KCNQ2: variants seen among roughly 807,000 people sequenced by gnomAD.
KCNQ2 encodes potassium voltage-gated channel subfamily KQT member 2.
A neutral mutation model predicts 84.8 loss-of-function variants in KCNQ2; 14 were observed. The ratio of observed to expected loss-of-function variants is 0.17; its 90% CI spans 0.11 to 0.26. The LOEUF is 0.26. KCNQ2 is among the 10% of genes least tolerant of loss of function. The probability of loss-of-function intolerance (pLI) is 1.00; values close to 1 mark genes in which losing one functional copy is unlikely to be tolerated. For synonymous variants in KCNQ2, 599 were observed against 554.1 expected, an observed-to-expected ratio of 1.08 and a Z score of -1.14; for missense variants, 788 against 1,254.0, an observed-to-expected ratio of 0.63 and a Z score of 5.61.
rs751334184 is a variant in KCNQ2, at chr20:63,408,486, G to A, written c.1814C>T (p.Thr605Ile). The A allele has an allele frequency of 1.2e-5, 20 of 1,608,280 alleles. No homozygotes were observed. Among genetic ancestry groups the A allele is most frequent in the Non-Finnish European group, 1.7e-5 (20 of 1,178,340 alleles). The stretch of plus-strand genomic sequence containing the variant: ...CAGCTCCGCCTCGGCCGGGCCCTTG[G>A]TGCGGTCCTTGTCCGTGATCGCTGG... ...RGPAITDKDR[T>I]KGPAEAELPE... Residue 605 changes from threonine to isoleucine, a missense_variant, in exon 16 of 17, where the codon ACC becomes ATC. Thr to Ile is a moderately conservative substitution (Grantham distance 89, BLOSUM62 -1). This residue lies in a region of KCNQ2 where 378 missense variants were observed against 434.5 expected (regional missense o/e 0.87). Coordinates refer to ENST00000359125, the MANE Select transcript of KCNQ2 (RefSeq NM_172107.4). This position sits in a 1 kb window ranked among gnomAD's most constrained non-coding sequence, Gnocchi z 5.0.
intron 1 of KCNQ2, chr20:63,463,788 GAGA>G (rs1294472475): frequency 6.6e-6 from 1 of 152,250 alleles, no homozygotes; most frequent in African/African-American, 2.4e-5. Flanking sequence ...AACAAAACTA[GAGA>G]AGACCTGGAG....
At chr20:63,455,390 G>A (rs1265480918) in intron 1 of KCNQ2, among the ~76,000 whole-genome samples, 3 of 152,242 alleles carry the variant, frequency 2.0e-5, no homozygotes, top group African/African-American at 7.2e-5. Flanking sequence ...GGGGCAGGGG[G>A]ACACCTGGAC....
intron 11 of KCNQ2, chr20:63,423,911 T>TGC: frequency 4.3e-6 from 2 of 463,446 alleles, no homozygotes. Context: ...GGGTGGGGGA[T>TGC]CCCCCACCCC....
chr20:63,464,776 C>A lies in KCNQ2; in HGVS notation c.296+7392G>T, dbSNP rs183163853. On this transcript the variant is annotated intron_variant, in intron 1 of 16. Transcript: ENST00000359125. ...CTTAGAAACAAGTGGCACATTGATC[C>A]GCATTCAAACTTGCCAGCCAATCAA... 1.4e-4 allele frequency among the ~76,000 whole-genome samples: 21 copies of A among 152,306 alleles called. No homozygotes were observed. In the East Asian group the frequency reaches 4.1e-3, roughly 29 times the overall value.
chr20:63,411,992 C>T (rs922507935), intron 15 of KCNQ2: 48 of 645,886 alleles, frequency 7.4e-5, no homozygotes, highest in Middle Eastern at 5.9e-4. Context: ...GAGGCTCCGT[C>T]GAAACAGGTG....
At position 63,408,266 on chromosome 20, in the gene KCNQ2, G is replaced by C; in HGVS notation, c.1887+147C>G. On this transcript the variant is annotated intron_variant, in intron 16 of 16. Coordinates refer to ENST00000359125, the MANE Select transcript of KCNQ2 (RefSeq NM_172107.4). This position sits in a 1 kb window ranked among gnomAD's most constrained non-coding sequence, Gnocchi z 5.0. ...GTGGGGTGTGAGGGGTCTGCACAGA[G>C]CAGCTGTCAGTGGTGACAGGGCCAT... 2 of 1,032,930 alleles carry C rather than the reference G, an allele frequency of 1.9e-6. No individual in the cohort carries two copies. Among genetic ancestry groups the C allele is most frequent in the Admixed American group, 2.0e-5 (1 of 48,892 alleles). The allele number at this position is 1,032,930 out of a possible 1,614,324, so 64.0% of individuals were successfully genotyped here. A position where few individuals can be genotyped will look rare whatever the true frequency, so the allele number is the denominator to read the frequency against.
At position 63,442,517 on chromosome 20, in the gene KCNQ2, G is replaced by C. The variant is rs1291672036; in HGVS notation, c.705C>G (p.Ala235=). 6.2e-7 allele frequency: 1 copy of C among 1,613,354 alleles called. No individual in the cohort carries two copies. Among genetic ancestry groups the C allele is most frequent in the African/African-American group, 1.3e-5 (1 of 74,810 alleles). ...VYAHSKELVT[A]WYIGFLCLIL... is the part of the protein sequence containing the mutation. ...TGAGACAAAGGAAGCCGATGTACCA[G>C]GCAGTGACCAGCTCCTGAGAGGCAG... is the stretch of plus-strand genomic sequence containing the variant. The change falls in exon 5 of 17, where the codon GCC becomes GCG. Residue 235 remains alanine, a synonymous_variant. Coordinates refer to ENST00000359125, the MANE Select transcript of KCNQ2 (RefSeq NM_172107.4).
chr20:63,465,802 C>T (rs1044328771), intron 1 of KCNQ2, among the ~76,000 whole-genome samples: 3 of 152,300 alleles, frequency 2.0e-5, no homozygotes, highest in East Asian at 3.9e-4. Flanking sequence ...CAAGTGTTGT[C>T]GGAAGGCAGA....
Position 63,401,097 on chromosome 20 carries a change from T to G in KCNQ2, c.*5547A>C. 1 of 385,394 alleles carries G rather than the reference T, an allele frequency of 2.6e-6. No individual in the cohort carries two copies. The highest frequency in any genetic ancestry group is 4.6e-6 in the Non-Finnish European group (1 of 218,126). The allele number at this position is 385,394 out of a possible 1,614,324, so 23.9% of individuals were successfully genotyped here. On this transcript the variant is annotated 3_prime_UTR_variant, in exon 17 of 17. Coordinates refer to ENST00000359125, the MANE Select transcript of KCNQ2 (RefSeq NM_172107.4). The stretch of plus-strand genomic sequence containing the variant: ...TGAGGACCTCTCAGGACGGGGCCCC[T>G]GGCCAGAGCCAGTCTCCTCGGCCAG...
chr20:63,453,940 C>T (rs1252950064), intron 1 of KCNQ2, among the ~76,000 whole-genome samples: 1 of 152,114 alleles, frequency 6.6e-6, no homozygotes, highest in Non-Finnish European at 1.5e-5. Flanking sequence ...TCCAGGAAGG[C>T]AGCTCCTCGG....
At chr20:63,472,108 A>G in intron 1 of KCNQ2, 60 bp downstream of exon 1, 1 of 1,276,734 alleles carries the variant, frequency 7.8e-7, no homozygotes, top group Non-Finnish European at 1.1e-6. Context: ...GGGGTCGCCG[A>G]TGGGGTCGCC....
Position 63,415,143 on chromosome 20 carries a change from C to CGAGAGACA in KCNQ2, c.1302-18_1302-17insTGTCTCTC, listed in dbSNP as rs1555854853. The CGAGAGACA allele has an allele frequency of 6.2e-5, 96 of 1,537,828 alleles. No homozygotes were observed. Among genetic ancestry groups the CGAGAGACA allele is most frequent in the Non-Finnish European group, 8.3e-5 (94 of 1,128,214 alleles). On this transcript the variant is annotated splice_polypyrimidine_tract_variant and intron_variant, in intron 12 of 16. Transcript: ENST00000359125. ...ACCTTCTGGCTGCTCCCACGGGAAC[C>CGAGAGACA]GACAGACAGACAGAAAAACAGGGAG...
At chr20:63,412,657 C>T (rs1322335975) in intron 15 of KCNQ2, among the ~76,000 whole-genome samples, 2 of 152,186 alleles carry the variant, frequency 1.3e-5, no homozygotes, top group African/African-American at 4.8e-5. Context: ...GGGCTGTGAC[C>T]CCCAGGCTGT....
Position 63,411,172 on chromosome 20 carries a change from T to C in KCNQ2, c.1763+2278A>G. On this transcript the variant is annotated intron_variant, in intron 15 of 16. Transcript: ENST00000359125. ...GGAGCGCACGCCTGTGCCGGGCACC[T>C]GGCAGGCCTCTTCTCACGCTTCTTC... 4 of 366,282 alleles carry C rather than the reference T, an allele frequency of 1.1e-5. No homozygotes were observed. In the Admixed American group the frequency reaches 1.4e-4, roughly 13 times the overall value. 22.7% of individuals were successfully genotyped at this position (366,282 alleles called of 1,614,324 possible). A position where few individuals can be genotyped will look rare whatever the true frequency, so the allele number is the denominator to read the frequency against.
rs369720210 is a variant in KCNQ2, at chr20:63,417,404, T to C, written c.1301+2215A>G. The stretch of plus-strand genomic sequence containing the variant: ...GGAAGACTCAATTCCTCTCTCTGCG[T>C]TTCCACCCGAGGCAGGTCCAGTCAC... On this transcript the variant is annotated intron_variant, in intron 12 of 16. Coordinates refer to ENST00000359125, the MANE Select transcript of KCNQ2 (RefSeq NM_172107.4). Among the ~76,000 whole-genome samples, 142 of 152,318 alleles carry C rather than the reference T, an allele frequency of 9.3e-4. 2 individuals carry two copies. In the South Asian group the frequency reaches 0.023, roughly 24 times the overall value.
intron 12 of KCNQ2, among the ~76,000 whole-genome samples, chr20:63,417,231 C>T (rs2080324734): frequency 6.6e-6 from 1 of 152,204 alleles, no homozygotes; most frequent in African/African-American, 2.4e-5. Flanking sequence ...CGGGGAGAAC[C>T]GGACGGGGGC....
At chr20:63,413,998 C>G (rs920864929) in intron 14 of KCNQ2, 90 bp downstream of exon 14, 17 of 993,466 alleles carry the variant, frequency 1.7e-5, no homozygotes, top group Non-Finnish European at 2.6e-5. Context: ...GCGGCTCTGT[C>G]CAGCACCATG....
chr20:63,471,882 C>A (rs999404397), intron 1 of KCNQ2: 3 of 394,818 alleles, frequency 7.6e-6, no homozygotes, highest in Non-Finnish European at 9.0e-6. Context: ...GGGGAGGGGC[C>A]TCCCAGGCTG....
intron 11 of KCNQ2, chr20:63,423,855 CAG>C: frequency 2.1e-6 from 1 of 475,962 alleles, no homozygotes; most frequent in African/African-American, 2.0e-5. Context: ...AGCGCACTAA[CAG>C]AGACCCCCTG....
Sources: allele counts gnomAD v4.1 joint callset (sites outside exome capture counted in the v4.1 genomes callset), GRCh38; gene constraint gnomAD v4.1.1; regional missense constraint gnomAD v4.1.1; non-coding constraint Gnocchi (gnomAD v3.1); transcripts MANE v1.5; gene names NCBI Gene and HGNC (gene_info 2026-07-23, HGNC 2026-07-21).